The following PDZD9 variants were observed in gnomAD, a reference collection of about 807,000 sequenced individuals.
PDZD9 encodes PDZ domain containing 9.
In PDZD9, 13 loss-of-function variants were observed where a neutral mutation model predicts 16.3. That is an observed-to-expected ratio of 0.80 (90% CI 0.52 to 1.27). PDZD9 has a LOEUF of 1.27. Ranked by LOEUF, PDZD9 falls within the 50% of genes most tolerant of loss-of-function variation. The pLI is 0.00. For missense variants in PDZD9, 288 were observed against 310.9 expected (o/e 0.93, Z 0.55); for synonymous variants, 120 against 111.0 (o/e 1.08, Z -0.51).
intron 1 of PDZD9, chr16:21,998,387 A>G (rs1417696132): frequency 1.0e-5 from 2 of 198,302 alleles, no homozygotes; most frequent in Admixed American, 4.7e-5. Flanking sequence ...ACACAAGTAC[A>G]TCTTGAAAAA....
At chr16:21,979,454 A>T (rs1220620014), downstream of PDZD9, among the ~76,000 whole-genome samples, 1 of 152,190 alleles carries the variant, frequency 6.6e-6, no homozygotes, top group East Asian at 1.9e-4. Context: ...GGTATAGCCT[A>T]CTACACACAT....
chr16:21,964,176 C>T, the PDZD9 span, among the ~76,000 whole-genome samples: 1 of 152,100 alleles, frequency 6.6e-6, no homozygotes, highest in Admixed American at 6.6e-5. Flanking sequence ...CACAGAGGAG[C>T]ATTATCTTTG....
At chr16:21,999,827 A>G (rs1899246063) in intron 1 of PDZD9, among the ~76,000 whole-genome samples, 2 of 152,196 alleles carry the variant, frequency 1.3e-5, no homozygotes, top group Admixed American at 6.5e-5. Flanking sequence ...ACTTGGGGTC[A>G]GGAGTTCGAG....
chr16:21,996,189 G>C (rs961266568), intron 2 of PDZD9, 133 bp downstream of exon 2: 1 of 1,143,404 alleles, frequency 8.7e-7, no homozygotes, highest in Non-Finnish European at 1.2e-6. Flanking sequence ...GCCTCCCAAA[G>C]TGCTGGGATT....
chr16:21,961,457 T>C, the PDZD9 span: 2 of 241,524 alleles, frequency 8.3e-6, no homozygotes, highest in Non-Finnish European at 1.8e-5. Flanking sequence ...GTTTCAAGAT[T>C]TCTTTAAGGT....
chr16:21,988,963 CTG>C (rs1898956897), intron 2 of PDZD9, among the ~76,000 whole-genome samples, 172 bp from the exon 3 acceptor site: 1 of 127,226 alleles, frequency 7.9e-6, no homozygotes, highest in Non-Finnish European at 1.6e-5. Context: ...TGAAGTCTAA[CTG>C]TCACCCATGC....
At chr16:21,961,400 C>A in the PDZD9 span, 1 of 377,718 alleles carries the variant, frequency 2.6e-6, no homozygotes, top group Non-Finnish European at 5.5e-6. Flanking sequence ...TAGATCCATA[C>A]GTCAACATAG....
chr16:21,964,689 TC>T, the PDZD9 span, among the ~76,000 whole-genome samples: 39 of 152,318 alleles, frequency 2.6e-4, no homozygotes, highest in African/African-American at 9.4e-4. Flanking sequence ...GTTTTCCAAT[TC>T]CCACTGCCCT....
the PDZD9 span, chr16:21,972,090 G>C: frequency 6.2e-6 from 10 of 1,613,984 alleles, no homozygotes; most frequent in Non-Finnish European, 8.5e-6. Flanking sequence ...TCTGCACCAG[G>C]CTGTTGCCAA....
chr16:21,993,644 G>C (rs1156439896), intron 2 of PDZD9, among the ~76,000 whole-genome samples: 1 of 152,126 alleles, frequency 6.6e-6, no homozygotes, highest in Admixed American at 6.5e-5. Flanking sequence ...TCAAAAACCT[G>C]TAGGGAGATA....
At chr16:21,993,934 G>C (rs1899083612) in intron 2 of PDZD9, among the ~76,000 whole-genome samples, 1 of 152,082 alleles carries the variant, frequency 6.6e-6, no homozygotes, top group Non-Finnish European at 1.5e-5. Context: ...AGGCCACATG[G>C]GAGGATTGCT....
chr16:21,982,670 A>G (rs1191285317), downstream of PDZD9, among the ~76,000 whole-genome samples: 1 of 152,204 alleles, frequency 6.6e-6, no homozygotes, highest in Non-Finnish European at 1.5e-5. Context: ...GCTGGCTTAG[A>G]ATGTCCTATC....
At chr16:21,975,115 G>C in the PDZD9 span, among the ~76,000 whole-genome samples, 8 of 152,174 alleles carry the variant, frequency 5.3e-5, no homozygotes, top group African/African-American at 1.9e-4. Context: ...GGAGGAGGTA[G>C]GTATTAGGGT....
Position 21,988,741 on chromosome 16 carries a change from G to C in PDZD9, c.262C>G (p.Arg88Gly), listed in dbSNP as rs566724960. Reference protein sequence around the residue: ...GHANVLGYTLREFLQLLQHIT... With the variant: ...GHANVLGYTLGEFLQLLQHIT... ...TGTTGCAAAAGCTGTAAAAATTCTCGAAGAGTATATCCTAACACATTGGCA... is the reference window on the plus strand; with the variant it reads ...TGTTGCAAAAGCTGTAAAAATTCTCCAAGAGTATATCCTAACACATTGGCA... The change falls in exon 3 of 4, where the codon CGA becomes GGA. Residue 88 changes from arginine to glycine, a missense_variant. Transcript: ENST00000424898. 9.3e-6 allele frequency: 15 copies of C among 1,613,358 alleles called. No homozygotes were observed. Among genetic ancestry groups the C allele is most frequent in the Non-Finnish European group, 1.3e-5 (15 of 1,179,866 alleles).
At chr16:21,957,878 T>A in the PDZD9 span, among the ~76,000 whole-genome samples, 1 of 152,250 alleles carries the variant, frequency 6.6e-6, no homozygotes, top group Admixed American at 6.5e-5. Flanking sequence ...TCATGTTCCT[T>A]GACCTGCAAC....
chr16:21,957,604 G>A, the PDZD9 span: 7 of 1,605,624 alleles, frequency 4.4e-6, no homozygotes, highest in Admixed American at 6.9e-5. Flanking sequence ...TGGAAATGCT[G>A]TGGTATCTTG....
At position 21,992,784 on chromosome 16, in the gene PDZD9, C is replaced by T. The variant is rs143168364; in HGVS notation, c.211+3538G>A. ...CTCGGACTGAGCCACTATTGGCTTCCCTGCTCTTCAGCTTGCAGATGGAGG... is the reference window on the plus strand; with the variant it reads ...CTCGGACTGAGCCACTATTGGCTTCTCTGCTCTTCAGCTTGCAGATGGAGG... On this transcript the variant is annotated intron_variant, in intron 2 of 3. Coordinates refer to ENST00000424898, the MANE Select transcript of PDZD9 (RefSeq NM_001363519.1). 2.2e-4 allele frequency among the ~76,000 whole-genome samples: 34 copies of T among 152,248 alleles called. No homozygotes were observed. The East Asian group carries it at 6.6e-3, about 29-fold the overall frequency.
chr16:21,961,365 A>T, the PDZD9 span: 1 of 444,258 alleles, frequency 2.3e-6, no homozygotes, highest in African/African-American at 2.0e-5. Context: ...TGATGAGACC[A>T]CTATACAGCC....
chr16:21,993,053 T>C (rs912942586), intron 2 of PDZD9, among the ~76,000 whole-genome samples: 3 of 152,156 alleles, frequency 2.0e-5, no homozygotes, highest in African/African-American at 7.2e-5. Context: ...CCACTATGAT[T>C]GTAAGTTTCC....
Sources: gnomAD v4.1 joint callset for allele counts (sites outside exome capture counted in the v4.1 genomes callset) on GRCh38, gnomAD v4.1.1 for gene constraint, MANE v1.5 for transcripts, NCBI Gene and HGNC (gene_info 2026-07-23, HGNC 2026-07-21) for gene names.